Variants in SNX25 observed in about 807,000 individuals in gnomAD.
The protein encoded by SNX25 is sorting nexin-25.
Under a neutral mutation model 113.7 loss-of-function variants are expected in SNX25, and 62 were observed. The observed-to-expected ratio is 0.55, with a 90% confidence interval of 0.44 to 0.67. SNX25 has a LOEUF of 0.67. SNX25 is among the 30% of genes least tolerant of loss of function. SNX25 has a pLI of 0.00. For missense variants in SNX25, 1,014 were observed against 1,161.0 expected, an observed-to-expected ratio of 0.87 and a Z score of 1.84; for synonymous variants, 421 against 436.2, an observed-to-expected ratio of 0.97 and a Z score of 0.43.
At chr4:185,347,348 G>A (rs1299671675) in intron 13 of SNX25, among the ~76,000 whole-genome samples, 1 of 152,194 alleles carries the variant, frequency 6.6e-6, no homozygotes, top group East Asian at 1.9e-4. Flanking sequence ...TAAGGGTTCT[G>A]ATTGCTCCAC....
At chr4:185,325,795 G>A (rs1561015720) in intron 9 of SNX25, among the ~76,000 whole-genome samples, 1 of 152,086 alleles carries the variant, frequency 6.6e-6, no homozygotes. Flanking sequence ...TGGGGTTCCT[G>A]GCCTGTCAAA....
chr4:185,351,298 T>C (rs996361427), intron 13 of SNX25, 147 bp from the exon 14 acceptor site: 1 of 777,604 alleles, frequency 1.3e-6, no homozygotes, highest in Admixed American at 2.3e-5. Flanking sequence ...ATATAGTTTG[T>C]TTCAGGGGGA....
intron 2 of SNX25, among the ~76,000 whole-genome samples, chr4:185,255,545 C>T (rs947380451): frequency 6.6e-5 from 10 of 152,150 alleles, no homozygotes; most frequent in Non-Finnish European, 1.2e-4. Flanking sequence ...CTCGTTGGTT[C>T]TGTTTGTGTC....
chr4:185,283,805 G>A (rs1750981085), intron 5 of SNX25, among the ~76,000 whole-genome samples: 1 of 152,124 alleles, frequency 6.6e-6, no homozygotes, highest in African/African-American at 2.4e-5. Context: ...GTGAGATAAT[G>A]TAAATTAAAA....
At chr4:185,289,202 C>T (rs1288537) in intron 6 of SNX25, among the ~76,000 whole-genome samples, 64,069 of 152,096 alleles carry the variant, frequency 0.42, 13,657 homozygotes, top group East Asian at 0.54. Context: ...GATAATGATA[C>T]AGTAGTAAAC....
intron 15 of SNX25, among the ~76,000 whole-genome samples, 161 bp from the exon 16 acceptor site, chr4:185,357,509 GT>G (rs1393772500): frequency 9.2e-5 from 14 of 152,316 alleles, no homozygotes; most frequent in Admixed American, 6.5e-4. Context: ...AGTCAGAAGA[GT>G]TTTCCTGACC....
intron 1 of SNX25, among the ~76,000 whole-genome samples, chr4:185,221,055 C>G (rs3112897): frequency 0.65 from 97,427 of 149,828 alleles, 31,753 homozygotes; most frequent in East Asian, 0.73. Flanking sequence ...TTTTCTGAGA[C>G]AGGATCTGGC....
intron 1 of SNX25, among the ~76,000 whole-genome samples, chr4:185,238,385 T>TA (rs1742987318): frequency 6.6e-6 from 1 of 152,130 alleles, no homozygotes; most frequent in Admixed American, 6.5e-5. Context: ...GTCAGAATCT[T>TA]AATCATATTA....
chr4:185,335,332 A>G (rs1579832280), intron 10 of SNX25, among the ~76,000 whole-genome samples: 1 of 149,076 alleles, frequency 6.7e-6, no homozygotes, highest in African/African-American at 2.6e-5. Context: ...ACACACACAC[A>G]CACACACACA....
At chr4:185,328,579 G>T (rs762366683) in intron 9 of SNX25, among the ~76,000 whole-genome samples, 1 of 152,152 alleles carries the variant, frequency 6.6e-6, no homozygotes, top group Non-Finnish European at 1.5e-5. Context: ...TAAGCTGAGC[G>T]CTTTCTTATC....
intron 1 of SNX25, among the ~76,000 whole-genome samples, chr4:185,231,866 C>T (rs893132292): frequency 6.6e-6 from 1 of 152,122 alleles, no homozygotes; most frequent in Non-Finnish European, 1.5e-5. Context: ...AAGTCTGTCT[C>T]TTTGAGTAGA....
At chr4:185,376,809 T>A in the SNX25 span, 1 of 759,146 alleles carries the variant, frequency 1.3e-6, no homozygotes, top group Non-Finnish European at 2.2e-6. Context: ...GGACAGAATT[T>A]CCCTAGTATA....
chr4:185,264,369 T>C, intron 3 of SNX25, 69 bp from the exon 4 acceptor site: 7 of 1,397,184 alleles, frequency 5.0e-6, no homozygotes, highest in Non-Finnish European at 6.9e-6. Context: ...GAAATATTTT[T>C]TACCTAATAG....
chr4:185,351,637 T>C (rs747432138), intron 14 of SNX25, 28 bp downstream of exon 14: 29 of 1,607,552 alleles, frequency 1.8e-5, no homozygotes, highest in Non-Finnish European at 2.4e-5. Context: ...TGAACCACTT[T>C]TGTAGTGTAT....
chr4:185,221,837 CTCTT>C (rs537682899), intron 1 of SNX25, among the ~76,000 whole-genome samples: 308 of 152,172 alleles, frequency 2.0e-3, no homozygotes, highest in Middle Eastern at 3.4e-3. Flanking sequence ...TAGTTAACTT[CTCTT>C]TCTTTATACC....
In SNX25 at chr4:185,267,010, A is replaced by G. The variant is rs201057461; in HGVS notation, c.946A>G (p.Ile316Val). Residue 316 changes from isoleucine to valine, a missense_variant, in exon 5 of 19, where the codon ATT (isoleucine) becomes GTT (valine). Coordinates refer to ENST00000652585, the MANE Select transcript of SNX25 (RefSeq NM_001378034.2). ...VVELLSNPDY[I>V]NQMLLAQLAY... is the part of the protein sequence containing the mutation. ...GGAGTTACTGAGTAATCCAGATTAC[A>G]TTAACCAAATGCTGCTTGCCCAGCT... 3 of 1,613,932 alleles carry G rather than the reference A, an allele frequency of 1.9e-6. No homozygotes were observed. Among genetic ancestry groups the G allele is most frequent in the East Asian group, 2.2e-5 (1 of 44,870 alleles).
At chr4:185,285,495 T>C (rs1210530118) in intron 5 of SNX25, among the ~76,000 whole-genome samples, 2 of 152,240 alleles carry the variant, frequency 1.3e-5, no homozygotes, top group Non-Finnish European at 2.9e-5. Flanking sequence ...ATTTTGATTT[T>C]TTTCTTTTGT....
At chr4:185,323,032 A>G (rs1448860094) in intron 8 of SNX25, among the ~76,000 whole-genome samples, 1 of 152,194 alleles carries the variant, frequency 6.6e-6, no homozygotes, top group Non-Finnish European at 1.5e-5. Context: ...GCTGAAGACA[A>G]AGCTGTCTAA....
At chr4:185,302,493 A>G (rs1220427872) in intron 6 of SNX25, among the ~76,000 whole-genome samples, 1 of 152,256 alleles carries the variant, frequency 6.6e-6, no homozygotes, top group East Asian at 1.9e-4. Context: ...GTGTTTGGGG[A>G]AAAAACCTCC....
Sources: gnomAD v4.1 joint callset for allele counts (sites outside exome capture counted in the v4.1 genomes callset) on GRCh38, gnomAD v4.1.1 for gene constraint, MANE v1.5 for transcripts, NCBI Gene and HGNC (gene_info 2026-07-23, HGNC 2026-07-21) for gene names.